The following ADAMTSL1 variants were observed in gnomAD, a reference collection of about 807,000 sequenced individuals.
ADAMTSL1 encodes ADAMTS like 1.
ADAMTSL1 carries 126 observed loss-of-function variants against 201.8 expected under a neutral mutation model. The ratio of observed to expected loss-of-function variants is 0.62; its 90% confidence interval spans 0.54 to 0.72. The LOEUF is 0.72. Ranked by LOEUF, ADAMTSL1 falls within the 30% of genes least tolerant of loss-of-function variation. The pLI is 0.00. For missense variants in ADAMTSL1, 2,679 were observed against 2,277.8 expected (o/e 1.18, Z -3.59); for synonymous variants, 1,121 against 903.4 (o/e 1.24, Z -4.32).
intron 16 of ADAMTSL1, among the ~76,000 whole-genome samples, chr9:18,765,043 G>A (rs1184341305): frequency 6.6e-6 from 1 of 152,168 alleles, no homozygotes; most frequent in Non-Finnish European, 1.5e-5. Flanking sequence ...ATTTGAAAGA[G>A]AGAGAAAATT....
Position 18,748,943 on chromosome 9 carries a change from A to G in ADAMTSL1, c.2007-4355A>G, listed in dbSNP as rs149193289. Among the ~76,000 whole-genome samples, 38 of 152,134 alleles carry G rather than the reference A, an allele frequency of 2.5e-4. 1 individual carries two copies. The East Asian group carries it at 7.0e-3, about 28-fold the overall frequency. ...AGGAGAGTCCTTCCTTGCTTCCTCT[A>G]CTTTCTGGTGGCTCCCGGCACTCTT... is the stretch of plus-strand genomic sequence containing the variant. On this transcript the variant is annotated intron_variant, in intron 15 of 28. Coordinates refer to ENST00000380548, the MANE Select transcript of ADAMTSL1 (RefSeq NM_001040272.6).
chr9:17,981,582 G>A (rs887609008), intron 1 of ADAMTSL1, among the ~76,000 whole-genome samples: 1 of 152,144 alleles, frequency 6.6e-6, no homozygotes, highest in Non-Finnish European at 1.5e-5. Context: ...TAGGATGAAC[G>A]TGTCCTTCTT....
chr9:18,628,788 A>G (rs1826556453), intron 5 of ADAMTSL1, among the ~76,000 whole-genome samples: 2 of 152,340 alleles, frequency 1.3e-5, no homozygotes, highest in South Asian at 4.1e-4. Context: ...CAGCATGAAG[A>G]TCGCATATAC....
At chr9:18,463,626 A>C (rs562080326) in intron 2 of ADAMTSL1, among the ~76,000 whole-genome samples, 2 of 152,232 alleles carry the variant, frequency 1.3e-5, no homozygotes, top group Non-Finnish European at 2.9e-5. Flanking sequence ...TACCTCAAAT[A>C]AGTAGAATCC....
intron 2 of ADAMTSL1, among the ~76,000 whole-genome samples, chr9:18,176,704 G>T (rs1319609445): frequency 6.6e-6 from 1 of 152,062 alleles, no homozygotes; most frequent in Non-Finnish European, 1.5e-5. Flanking sequence ...CATAGTATAG[G>T]TACTAACAGG....
chr9:18,366,303 G>C (rs993177312), intron 2 of ADAMTSL1, among the ~76,000 whole-genome samples: 1 of 143,984 alleles, frequency 6.9e-6, no homozygotes, highest in Non-Finnish European at 1.5e-5. Context: ...AAAAGATTGA[G>C]CGTGCATCAG....
At chr9:18,421,885 T>C (rs1818968802) in intron 2 of ADAMTSL1, among the ~76,000 whole-genome samples, 1 of 152,238 alleles carries the variant, frequency 6.6e-6, no homozygotes, top group African/African-American at 2.4e-5. Flanking sequence ...AAGTAGATTA[T>C]TACAAATAGT....
intron 15 of ADAMTSL1, among the ~76,000 whole-genome samples, chr9:18,728,326 C>A (rs942525865): frequency 1.9e-4 from 29 of 152,102 alleles, no homozygotes; most frequent in African/African-American, 7.0e-4. Flanking sequence ...TTCTTAACAT[C>A]TATGTGATCG....
chr9:18,853,073 C>G (rs1393325665), intron 23 of ADAMTSL1, among the ~76,000 whole-genome samples: 1 of 152,134 alleles, frequency 6.6e-6, no homozygotes, highest in Admixed American at 6.6e-5. Context: ...TGGGGAGATG[C>G]TGGCTGTCCT....
At chr9:18,684,299 C>CAA (rs201718795) in intron 12 of ADAMTSL1, among the ~76,000 whole-genome samples, 2 of 132,664 alleles carry the variant, frequency 1.5e-5, no homozygotes, top group African/African-American at 2.8e-5. Context: ...AGCTAAAAGG[C>CAA]AAAAAAAAAA....
At chr9:18,648,850 C>A (rs1207103468) in intron 7 of ADAMTSL1, among the ~76,000 whole-genome samples, 2 of 152,138 alleles carry the variant, frequency 1.3e-5, no homozygotes. Flanking sequence ...TTTGGTGAAT[C>A]TGACAATTAT....
chr9:18,537,256 T>C (rs1029427408), intron 3 of ADAMTSL1, among the ~76,000 whole-genome samples: 15 of 152,154 alleles, frequency 9.9e-5, no homozygotes, highest in African/African-American at 3.6e-4. Flanking sequence ...GTTGGTGCAA[T>C]GCAGAGAATT....
intron 1 of ADAMTSL1, among the ~76,000 whole-genome samples, chr9:18,094,642 C>T (rs1309707990): frequency 6.6e-6 from 1 of 151,648 alleles, no homozygotes; most frequent in Non-Finnish European, 1.5e-5. Flanking sequence ...CTAATTGCAA[C>T]CTCCACCTCC....
At chr9:18,429,225 T>A (rs1337616609) in intron 2 of ADAMTSL1, among the ~76,000 whole-genome samples, 7 of 152,216 alleles carry the variant, frequency 4.6e-5, no homozygotes, top group Admixed American at 4.6e-4. Flanking sequence ...TTTGGAAACA[T>A]TACTCTCTAC....
intron 2 of ADAMTSL1, among the ~76,000 whole-genome samples, chr9:18,357,247 A>C (rs546349772): frequency 6.6e-6 from 1 of 152,196 alleles, no homozygotes; most frequent in Admixed American, 6.5e-5. Flanking sequence ...CCCCAAGCAA[A>C]GTATTTTTTT....
intron 5 of ADAMTSL1, among the ~76,000 whole-genome samples, chr9:18,633,903 T>G (rs1412674): frequency 1.3e-5 from 2 of 151,700 alleles, no homozygotes; most frequent in African/African-American, 2.4e-5. Flanking sequence ...GTTGAAACAC[T>G]ATTTAAAAAA....
At chr9:18,563,976 A>C (rs1204448585) in intron 3 of ADAMTSL1, among the ~76,000 whole-genome samples, 2 of 152,062 alleles carry the variant, frequency 1.3e-5, no homozygotes, top group Admixed American at 6.6e-5. Context: ...GCTAAGCTAG[A>C]CCACTTGGCT....
chr9:17,961,324 C>T (rs1293233082), intron 1 of ADAMTSL1, among the ~76,000 whole-genome samples: 1 of 152,134 alleles, frequency 6.6e-6, no homozygotes. Context: ...TCTTGGCTAA[C>T]CACAACCTCC....
At chr9:18,450,620 A>G (rs1820367600) in intron 2 of ADAMTSL1, among the ~76,000 whole-genome samples, 1 of 151,778 alleles carries the variant, frequency 6.6e-6, no homozygotes. Context: ...ATATATGTGC[A>G]TATGTGTGTA....
Sources: allele counts gnomAD v4.1 joint callset (sites outside exome capture counted in the v4.1 genomes callset), GRCh38; gene constraint gnomAD v4.1.1; transcripts MANE v1.5; gene names NCBI Gene and HGNC (gene_info 2026-07-23, HGNC 2026-07-21).